Variants in ARID1A observed in about 807,000 individuals in gnomAD.
ARID1A encodes the protein AT-rich interactive domain-containing protein 1A.
Under a neutral mutation model 212.6 loss-of-function variants are expected in ARID1A, and 20 were observed. The ratio of observed to expected loss-of-function variants is 0.09; its 90% CI spans 0.07 to 0.14. The LOEUF (loss-of-function observed/expected upper bound fraction) is 0.14. Ranked by LOEUF, ARID1A falls within the 10% of genes least tolerant of loss-of-function variation. The pLI is 1.00. For synonymous variants in ARID1A, 1,376 were observed against 1,222.1 expected (o/e 1.13, Z -2.63); for missense variants, 2,587 against 3,059.0 (o/e 0.85, Z 3.64).
Position 26,696,420 on chromosome 1 carries a change from C to T in ARID1A, c.17C>T (p.Ala6Val). Reference protein sequence around the residue: MAAQVAPAAASSLGNP... With the variant: MAAQVVPAAASSLGNP... ...GCGGGGATCATGGCCGCGCAGGTCG[C>T]CCCCGCCGCCGCCAGCAGCCTGGGC... The change falls in exon 1 of 20, where the codon GCC becomes GTC. Residue 6 changes from alanine to valine, a missense_variant. By Grantham distance (64) the Ala-to-Val change is moderately conservative. Transcript: ENST00000324856. 2.3e-6 allele frequency: 3 copies of T among 1,288,986 alleles called. No homozygotes were observed. The highest frequency in any genetic ancestry group is 3.2e-5 in the East Asian group (1 of 30,834). The allele number at this position is 1,288,986 out of a possible 1,614,324, so 79.8% of individuals were successfully genotyped here. A position where few individuals can be genotyped will look rare whatever the true frequency, so the allele number is the denominator to read the frequency against.
At chr1:26,714,174 G>C (rs2080479719) in intron 1 of ARID1A, among the ~76,000 whole-genome samples, 1 of 152,226 alleles carries the variant, frequency 6.6e-6, no homozygotes, top group South Asian at 2.1e-4. Flanking sequence ...TGAAAAGACA[G>C]CTGGTGACTG....
rs780881207 is a variant in ARID1A at position 26,697,161 on chromosome 1, C to T, written c.758C>T (p.Pro253Leu). The T allele has an allele frequency of 3.5e-6, 5 of 1,440,472 alleles. No homozygotes were observed. The highest frequency in any genetic ancestry group is 1.5e-5 in the South Asian group (1 of 68,400). The allele number at this position is 1,440,472 out of a possible 1,614,324, so 89.2% of individuals were successfully genotyped here. ...GCGGCTGCCGGCTCCAAGCCGCCTC[C>T]CTCCTCCAGCGCCTCCGCCTCCTCG... The part of the protein sequence containing the change: ...AAAAAGSKPP[P>L]SSSASASSSS... Residue 253 changes from proline to leucine, a missense_variant, in exon 1 of 20, where the codon CCC (proline) becomes CTC (leucine). By Grantham distance (98) the Pro-to-Leu change is moderately conservative (BLOSUM62 -3). This residue lies in a region of ARID1A where 735 missense variants were observed against 590.6 expected (regional missense o/e 1.24). Transcript: ENST00000324856.
At chr1:26,750,794 C>G (rs888393064) in intron 4 of ARID1A, among the ~76,000 whole-genome samples, 18 of 151,958 alleles carry the variant, frequency 1.2e-4, no homozygotes, top group African/African-American at 4.4e-4. Flanking sequence ...AGTCACCCTC[C>G]CCACAGCCCT....
At chr1:26,725,158 C>A (rs1456723104) in intron 1 of ARID1A, among the ~76,000 whole-genome samples, 3 of 152,076 alleles carry the variant, frequency 2.0e-5, no homozygotes, top group African/African-American at 7.3e-5. Context: ...AGGATTTCCT[C>A]TGTCTTTCCC....
chr1:26,757,224 A>T (rs2080948438), intron 4 of ARID1A, among the ~76,000 whole-genome samples: 1 of 150,934 alleles, frequency 6.6e-6, no homozygotes, highest in South Asian at 2.1e-4. Context: ...CTTAAAAAAA[A>T]AAAAAAATGC....
At chr1:26,698,292 C>G (rs962485044) in intron 1 of ARID1A, among the ~76,000 whole-genome samples, 1 of 152,194 alleles carries the variant, frequency 6.6e-6, no homozygotes, top group Non-Finnish European at 1.5e-5. Context: ...GATTGGCTCC[C>G]CATCTCCTGC....
At chr1:26,762,922 A>T (rs2124066982) in intron 7 of ARID1A, 51 bp from the exon 8 acceptor site, 1 of 1,455,212 alleles carries the variant, frequency 6.9e-7, no homozygotes, top group Non-Finnish European at 9.3e-7. Flanking sequence ...GAGAGATATT[A>T]GTGAGTTGCT....
intron 19 of ARID1A, among the ~76,000 whole-genome samples, chr1:26,776,464 G>A (rs918871030): frequency 3.3e-5 from 5 of 151,776 alleles, no homozygotes; most frequent in Non-Finnish European, 7.4e-5. Flanking sequence ...TAGTAGAGAC[G>A]GGGTTTCACC....
chr1:26,766,278 T>C lies in ARID1A; in HGVS notation c.2790T>C (p.Tyr930=), dbSNP rs765866865. 14 of 1,614,012 alleles carry C rather than the reference T, an allele frequency of 8.7e-6. No individual in the cohort carries two copies. The highest frequency in any genetic ancestry group is 6.6e-5 in the South Asian group (6 of 91,084). Residue 930 remains tyrosine (Y), a synonymous_variant, in exon 9 of 20, where the codon TAT becomes TAC. Coordinates refer to ENST00000324856, the MANE Select transcript of ARID1A (RefSeq NM_006015.6). ...GCATGATGGGAACTGGACCTCCTTA[T>C]GGACAAGGGATTAATAGTATGGCTG... is the stretch of plus-strand genomic sequence containing the variant. The part of the protein sequence containing the change: ...QGGMMGTGPP[Y]GQGINSMAGM...
intron 1 of ARID1A, among the ~76,000 whole-genome samples, chr1:26,710,516 CACACACACACA>C (rs2080442710): frequency 6.6e-6 from 1 of 151,316 alleles, no homozygotes; most frequent in African/African-American, 2.4e-5. Context: ...CACACACACA[CACACACACACA>C]CCACTTGTTG....
In ARID1A at chr1:26,761,012, C is replaced by G; in HGVS notation, c.2077C>G (p.Arg693Gly). 1 of 1,614,002 alleles carries G rather than the reference C, an allele frequency of 6.2e-7. No individual in the cohort carries two copies. Among genetic ancestry groups the G allele is most frequent in the Non-Finnish European group, 8.5e-7 (1 of 1,180,022 alleles). Residue 693 changes from arginine (R) to glycine (G), a missense_variant, in exon 5 of 20, where the codon CGA (arginine) becomes GGA (glycine). Physicochemically the swap from Arg to Gly is moderately radical, Grantham distance 125 (BLOSUM62 -2). This residue lies in a region of ARID1A where 674 missense variants were observed against 813.4 expected (regional missense o/e 0.83). Coordinates refer to ENST00000324856, the MANE Select transcript of ARID1A (RefSeq NM_006015.6). ...TACCTCCCCTCACCTGCCTGGCATCCGAGGCCCTTCCCCGTCCCCTGTTGG... is the reference window on the plus strand; with the variant it reads ...TACCTCCCCTCACCTGCCTGGCATCGGAGGCCCTTCCCCGTCCCCTGTTGG... Reference protein sequence around the residue: ...PHTSPHLPGIRGPSPSPVGSP... With the variant: ...PHTSPHLPGIGGPSPSPVGSP...
intron 8 of ARID1A, 48 bp downstream of exon 8, chr1:26,763,333 T>C (rs776570850): frequency 5.2e-5 from 79 of 1,518,070 alleles, no homozygotes; most frequent in Non-Finnish European, 7.0e-5. Flanking sequence ...AAATGTATTA[T>C]AGACCCACTC....
intron 11 of ARID1A, among the ~76,000 whole-genome samples, chr1:26,768,434 A>T (rs1207307874): frequency 6.6e-6 from 1 of 152,202 alleles, no homozygotes; most frequent in Non-Finnish European, 1.5e-5. Context: ...ACAGTATGTA[A>T]CAGTATATAA....
rs969170076 is a variant in ARID1A at position 26,731,513 on chromosome 1, C to T, written c.1712C>T (p.Ser571Leu). The change falls in exon 3 of 20, where the codon TCG becomes TTG. Residue 571 changes from serine (S) to leucine (L), a missense_variant. This residue lies in a region of ARID1A where 674 missense variants were observed against 813.4 expected (regional missense o/e 0.83). Transcript: ENST00000324856. ...QQQQPQQPAP[S>L]TLSQQAAYPQ... Reference sequence around the variant, plus strand: ...CAGCAACCTCAGCAGCCAGCACCCTCGACGCTCTCCCAGCAGGCTGCGTAT... The same window carrying T: ...CAGCAACCTCAGCAGCCAGCACCCTTGACGCTCTCCCAGCAGGCTGCGTAT... 4 of 1,613,984 alleles carry T rather than the reference C, an allele frequency of 2.5e-6. No homozygotes were observed. The African/African-American group carries it at 4.0e-5, about 16-fold the overall frequency.
intron 19 of ARID1A, 90 bp from the exon 20 acceptor site, chr1:26,778,933 C>G: frequency 7.7e-7 from 1 of 1,304,806 alleles, no homozygotes; most frequent in Non-Finnish European, 1.0e-6. Flanking sequence ...CCAACTGATA[C>G]AGAAGACTTG....
Position 26,696,375 on chromosome 1 carries a change from GTC to G in ARID1A, c.-24_-23del, listed in dbSNP as rs2080252359. 7 of 1,239,556 alleles carry G rather than the reference GTC, an allele frequency of 5.6e-6. No homozygotes were observed. The South Asian group carries it at 1.8e-4, about 31-fold the overall frequency. The allele number at this position is 1,239,556 out of a possible 1,614,324, so 76.8% of individuals were successfully genotyped here. On this transcript the variant is annotated 5_prime_UTR_variant, in exon 1 of 20. Transcript: ENST00000324856. Reference sequence around the variant, plus strand: ...GGGGAGAAGACGAAGACAGGGCCGGGTCTCTCCGCGGACGAGACAGCGGGGAT... The same window carrying G: ...GGGGAGAAGACGAAGACAGGGCCGGGTCTCCGCGGACGAGACAGCGGGGAT...
chr1:26,736,856 C>T (rs2124797644), intron 4 of ARID1A, among the ~76,000 whole-genome samples: 1 of 145,788 alleles, frequency 6.9e-6, no homozygotes, highest in South Asian at 2.2e-4. Context: ...GAGCCAAGAT[C>T]ACGCCATTGC....
Position 26,779,586 on chromosome 1 carries a change from G to A in ARID1A, c.5688G>A (p.Gly1896=), listed in dbSNP as rs1557620306. Residue 1896 remains glycine, a synonymous_variant, in exon 20 of 20, where the codon GGG becomes GGA. Coordinates refer to ENST00000324856, the MANE Select transcript of ARID1A (RefSeq NM_006015.6). ...EGTPGTTDQE[G]PPPDGPPEKR... ...CACCAGGGACAACAGACCAGGAGGG[G>A]CCCCCACCTGATGGACCTCCAGAAA... The A allele has an allele frequency of 6.2e-7, 1 of 1,614,040 alleles. No homozygotes were observed. The highest frequency in any genetic ancestry group is 8.5e-7 in the Non-Finnish European group (1 of 1,180,008).
intron 2 of ARID1A, 146 bp downstream of exon 2, chr1:26,730,009 C>T (rs2124786158): frequency 1.0e-6 from 1 of 1,002,166 alleles, no homozygotes; most frequent in Non-Finnish European, 1.5e-6. Flanking sequence ...GTGCTACTAA[C>T]AAAGCCAAAG....
Sources: gnomAD v4.1 joint callset for allele counts (sites outside exome capture counted in the v4.1 genomes callset) on GRCh38, gnomAD v4.1.1 for gene constraint, gnomAD v4.1.1 regional missense constraint, MANE v1.5 for transcripts, NCBI Gene and HGNC (gene_info 2026-07-23, HGNC 2026-07-21) for gene names.